TMEFF1: variants seen among roughly 807,000 people sequenced by gnomAD.
TMEFF1 encodes the protein transmembrane protein with EGF like and two follistatin like domains 1, also known as tomoregulin-1.
A neutral mutation model predicts 47.5 loss-of-function variants in TMEFF1; 20 were observed. The ratio of observed to expected loss-of-function variants is 0.42; its 90% confidence interval spans 0.30 to 0.61. The LOEUF (loss-of-function observed/expected upper bound fraction) is 0.61. Ranked by LOEUF, TMEFF1 falls within the 20% of genes least tolerant of loss-of-function variation. The pLI is 0.19. For missense variants in TMEFF1, 411 were observed against 471.1 expected (o/e 0.87, Z 1.18); for synonymous variants, 162 against 166.3 (o/e 0.97, Z 0.20).
intron 5 of TMEFF1, among the ~76,000 whole-genome samples, chr9:100,544,919 T>A (rs1398984206): frequency 6.6e-6 from 1 of 152,230 alleles, no homozygotes; most frequent in Non-Finnish European, 1.5e-5. Context: ...TGACTCCACA[T>A]CTTGTATCTG....
chr9:100,543,569 T>C (rs568359413), intron 5 of TMEFF1, among the ~76,000 whole-genome samples: 2 of 152,102 alleles, frequency 1.3e-5, no homozygotes, highest in South Asian at 4.2e-4. Flanking sequence ...CCAGAGAAGA[T>C]TGCATCTGCT....
chr9:100,501,046 T>G (rs1837747375), intron 2 of TMEFF1, among the ~76,000 whole-genome samples: 1 of 152,198 alleles, frequency 6.6e-6, no homozygotes, highest in Admixed American at 6.5e-5. Flanking sequence ...CTCTCTCCTT[T>G]CCGAGATTTC....
chr9:100,494,768 A>G (rs1408754189), intron 1 of TMEFF1, among the ~76,000 whole-genome samples: 2 of 152,232 alleles, frequency 1.3e-5, no homozygotes, highest in African/African-American at 4.8e-5. Flanking sequence ...CAAGGTAGGC[A>G]ATTAGCAGTG....
intron 1 of TMEFF1, among the ~76,000 whole-genome samples, chr9:100,491,995 C>T (rs1441156901): frequency 6.6e-6 from 1 of 151,794 alleles, no homozygotes; most frequent in Non-Finnish European, 1.5e-5. Flanking sequence ...AAGCAATTCT[C>T]CTGCCTCAGC....
intron 1 of TMEFF1, among the ~76,000 whole-genome samples, chr9:100,474,452 T>A (rs1328269846): frequency 6.6e-6 from 1 of 151,820 alleles, no homozygotes; most frequent in East Asian, 1.9e-4. Flanking sequence ...CCCTGTGTTT[T>A]TGTGTGTTGT....
intron 5 of TMEFF1, among the ~76,000 whole-genome samples, chr9:100,518,038 G>A (rs534063370): frequency 9.2e-5 from 14 of 151,996 alleles, no homozygotes; most frequent in Admixed American, 2.0e-4. Flanking sequence ...TATTCCTTTC[G>A]CGGTGCTTCT....
intron 4 of TMEFF1, among the ~76,000 whole-genome samples, chr9:100,516,290 C>G (rs1477048154): frequency 6.6e-6 from 1 of 152,044 alleles, no homozygotes; most frequent in Non-Finnish European, 1.5e-5. Context: ...ATCTGCTGAC[C>G]AGCTTTGCAC....
At chr9:100,476,795 C>T (rs71507685) in intron 1 of TMEFF1, among the ~76,000 whole-genome samples, 4,588 of 149,726 alleles carry the variant, frequency 0.031, 88 homozygotes, top group African/African-American at 0.038. Context: ...CTCCCGGGTT[C>T]GCGCCATTCT....
Position 100,473,645 on chromosome 9 carries a change from T to C in TMEFF1, c.101T>C (p.Leu34Pro). 4 of 1,551,450 alleles carry C rather than the reference T, an allele frequency of 2.6e-6. No homozygotes were observed. The highest frequency in any genetic ancestry group is 3.5e-6 in the Non-Finnish European group (4 of 1,148,754). ...TSVLLLFAFS[L>P]PGSRASNQPP... Reference sequence around the variant, plus strand: ...GTGCTTCTGCTCTTCGCCTTCTCTCTGCCCGGGAGCCGCGCGTCCAACCAG... The same window carrying C: ...GTGCTTCTGCTCTTCGCCTTCTCTCCGCCCGGGAGCCGCGCGTCCAACCAG... Residue 34 changes from leucine to proline, a missense_variant, in exon 1 of 10, where the codon CTG becomes CCG. By Grantham distance (98) the Leu-to-Pro change is moderately conservative. Coordinates refer to ENST00000374879, the MANE Select transcript of TMEFF1 (RefSeq NM_003692.5). This position sits in a 1 kb window ranked among gnomAD's most constrained non-coding sequence, Gnocchi z 5.4.
intron 5 of TMEFF1, among the ~76,000 whole-genome samples, chr9:100,546,203 A>G (rs538175498): frequency 9.2e-5 from 14 of 152,270 alleles, no homozygotes; most frequent in Non-Finnish European, 1.8e-4. Context: ...AGACTGGGCA[A>G]AAGAAAGAGG....
At chr9:100,541,953 C>T (rs1838642342) in intron 5 of TMEFF1, among the ~76,000 whole-genome samples, 1 of 152,074 alleles carries the variant, frequency 6.6e-6, no homozygotes. Flanking sequence ...ATGTATCTTA[C>T]AAGCAACATA....
At chr9:100,498,175 A>G (rs757351075) in intron 1 of TMEFF1, among the ~76,000 whole-genome samples, 16 of 152,074 alleles carry the variant, frequency 1.1e-4, no homozygotes, top group Non-Finnish European at 1.9e-4. Flanking sequence ...CAGTCCATTA[A>G]AAGTTTTAAG....
intron 8 of TMEFF1, among the ~76,000 whole-genome samples, chr9:100,563,710 C>T (rs144321306): frequency 6.6e-6 from 1 of 152,196 alleles, no homozygotes; most frequent in East Asian, 1.9e-4. Context: ...TACTCTAAGC[C>T]CGTTAGTCAG....
intron 8 of TMEFF1, among the ~76,000 whole-genome samples, chr9:100,567,294 C>G (rs1278421760): frequency 6.6e-6 from 1 of 152,166 alleles, no homozygotes. Context: ...GGCTCCTCAC[C>G]TCCTTCAAGT....
chr9:100,482,678 G>A (rs16919136), intron 1 of TMEFF1, among the ~76,000 whole-genome samples: 6,660 of 152,248 alleles, frequency 0.044, 321 homozygotes, highest in South Asian at 0.22. Context: ...GAGATGGTGG[G>A]GTGAGTTGTG....
intron 6 of TMEFF1, among the ~76,000 whole-genome samples, chr9:100,549,601 A>G (rs559691570): frequency 6.6e-6 from 1 of 152,292 alleles, no homozygotes; most frequent in African/African-American, 2.4e-5. Context: ...GTGCTTCTAA[A>G]CACGTGGTTA....
intron 1 of TMEFF1, among the ~76,000 whole-genome samples, chr9:100,495,321 T>G (rs1004845486): frequency 2.0e-5 from 3 of 152,222 alleles, no homozygotes; most frequent in African/African-American, 7.2e-5. Context: ...TCCAAATTCT[T>G]TATAATGATC....
chr9:100,496,490 T>C (rs1490717603), intron 1 of TMEFF1, among the ~76,000 whole-genome samples: 2 of 152,242 alleles, frequency 1.3e-5, no homozygotes, highest in South Asian at 2.1e-4. Context: ...TCCACCTGGC[T>C]CAGCCTCCCA....
intron 2 of TMEFF1, among the ~76,000 whole-genome samples, chr9:100,508,665 A>G (rs1164989910): frequency 6.6e-6 from 1 of 151,840 alleles, no homozygotes; most frequent in African/African-American, 2.4e-5. Flanking sequence ...TGAATGAATA[A>G]ATGAATTTTG....
Sources: allele counts gnomAD v4.1 joint callset (sites outside exome capture counted in the v4.1 genomes callset), GRCh38; gene constraint gnomAD v4.1.1; non-coding constraint Gnocchi (gnomAD v3.1); transcripts MANE v1.5; gene names NCBI Gene and HGNC (gene_info 2026-07-23, HGNC 2026-07-21).